The following PCDHGA8 variants were observed in gnomAD, a reference collection of about 807,000 sequenced individuals.
The protein encoded by PCDHGA8 is protocadherin gamma subfamily A, 8.
Under a neutral mutation model 59.2 loss-of-function variants are expected in PCDHGA8, and 45 were observed. That is an observed-to-expected ratio of 0.76 (90% CI 0.60 to 0.98). The LOEUF is 0.98. Ranked by LOEUF, PCDHGA8 falls within the 50% of genes least tolerant of loss-of-function variation. The pLI is 0.00. For synonymous variants in PCDHGA8, 531 were observed against 519.0 expected (o/e 1.02, Z -0.32); for missense variants, 1,257 against 1,196.2 (o/e 1.05, Z -0.75).
At chr5:141,403,704 T>C (rs1207597755) in intron 1 of PCDHGA8, 2 of 1,613,846 alleles carry the variant, frequency 1.2e-6, no homozygotes, top group East Asian at 4.5e-5. Context: ...CGAGTTAAAG[T>C]CCTTGAGAAC....
intron 1 of PCDHGA8, among the ~76,000 whole-genome samples, chr5:141,435,592 C>T (rs573084790): frequency 1.3e-5 from 2 of 152,060 alleles, no homozygotes; most frequent in African/African-American, 2.4e-5. Flanking sequence ...GCAGTAATAT[C>T]GCCTGCTTTT....
intron 1 of PCDHGA8, chr5:141,399,413 C>A (rs1456440098): frequency 1.2e-6 from 2 of 1,613,930 alleles, no homozygotes; most frequent in African/African-American, 1.3e-5. Context: ...CCGCCCCTCT[C>A]CTCCAGCATA....
Position 141,400,031 on chromosome 5 carries a change from G to A in PCDHGA8, c.2424+4794G>A, listed in dbSNP as rs373709904. The A allele has an allele frequency of 2.2e-5, 36 of 1,612,964 alleles. No individual in the cohort carries two copies. In the African/African-American group the frequency reaches 4.5e-4, roughly 20 times the overall value. The stretch of plus-strand genomic sequence containing the variant: ...GCCTTGGGCGACAGGGACGCGGCCC[G>A]CCAGCGCCTGCTGGTTGCTGTGCGT... On this transcript the variant is annotated intron_variant, in intron 1 of 3. Coordinates refer to ENST00000398604, the MANE Select transcript of PCDHGA8 (RefSeq NM_032088.2).
Position 141,399,843 on chromosome 5 carries a change from T to C in PCDHGA8, c.2424+4606T>C, listed in dbSNP as rs1452069886. ...GTCCCGACGGCTCTGCGCTCTTCGATATGGTGCCGCGCGCTGCAGAGCCCG... is the reference window on the plus strand; with the variant it reads ...GTCCCGACGGCTCTGCGCTCTTCGACATGGTGCCGCGCGCTGCAGAGCCCG... On this transcript the variant is annotated intron_variant, in intron 1 of 3. Coordinates refer to ENST00000398604, the MANE Select transcript of PCDHGA8 (RefSeq NM_032088.2). 2.5e-6 allele frequency: 4 copies of C among 1,612,848 alleles called. No homozygotes were observed. The African/African-American group carries it at 5.3e-5, about 22-fold the overall frequency.
chr5:141,413,442 C>T, intron 1 of PCDHGA8: 5 of 1,614,090 alleles, frequency 3.1e-6, no homozygotes, highest in Non-Finnish European at 8.5e-7. Flanking sequence ...GCAGCTTGAT[C>T]ACCGCGGGCA....
intron 1 of PCDHGA8, chr5:141,422,123 C>A: frequency 6.2e-7 from 1 of 1,601,290 alleles, no homozygotes; most frequent in South Asian, 1.1e-5. Context: ...GATTCACAAA[C>A]TGGAGAAGTT....
At position 141,477,019 on chromosome 5, in the gene PCDHGA8, C is replaced by T. The variant is rs148675327; in HGVS notation, c.2425-17788C>T. 1.9e-5 allele frequency: 30 copies of T among 1,614,242 alleles called. No individual in the cohort carries two copies. Among genetic ancestry groups the T allele is most frequent in the Non-Finnish European group, 2.5e-5 (30 of 1,180,048 alleles). On this transcript the variant is annotated intron_variant, in intron 1 of 3. Transcript: ENST00000398604. This position sits in a 1 kb window ranked among gnomAD's most constrained non-coding sequence, Gnocchi z 4.9. ...AACTATTCGCCTTAGACCTTGTAAC[C>T]GGGATGCTGACAATCAAGGGTCGGC...
At position 141,477,795 on chromosome 5, in the gene PCDHGA8, G is replaced by T. The variant is rs778851755; in HGVS notation, c.2425-17012G>T. The T allele has an allele frequency of 1.2e-5, 19 of 1,613,946 alleles. 1 individual carries two copies. In the South Asian group the frequency reaches 1.6e-4, roughly 14 times the overall value. On this transcript the variant is annotated intron_variant, in intron 1 of 3. Transcript: ENST00000398604. The surrounding 1 kb of genome is among the most constrained non-coding windows in gnomAD (Gnocchi z 4.9). ...AGCGTGAACATATTTGTCACTGATC[G>T]CAATGACAATGCCCCCCAGGTCCTA...
intron 1 of PCDHGA8, among the ~76,000 whole-genome samples, chr5:141,438,623 TATATATATATATACACACAC>T (rs1272037524): frequency 7.0e-5 from 3 of 42,840 alleles, no homozygotes; most frequent in African/African-American, 1.6e-4. Flanking sequence ...TATATATATA[TATATATATATATACACACAC>T]ACACACACAT....
In PCDHGA8 at chr5:141,432,872, C is replaced by G; in HGVS notation, c.2424+37635C>G. 4 of 1,614,192 alleles carry G rather than the reference C, an allele frequency of 2.5e-6. No individual in the cohort carries two copies. The highest frequency in any genetic ancestry group is 3.4e-6 in the Non-Finnish European group (4 of 1,180,018). ...GGTGGCCGCGGTCTCCTGCGTCTTCCTGGCCTTCGTCATCTTGCTGCTGGC... is the reference window on the plus strand; with the variant it reads ...GGTGGCCGCGGTCTCCTGCGTCTTCGTGGCCTTCGTCATCTTGCTGCTGGC... On this transcript the variant is annotated intron_variant, in intron 1 of 3. Coordinates refer to ENST00000398604, the MANE Select transcript of PCDHGA8 (RefSeq NM_032088.2). The surrounding 1 kb of genome is among the most constrained non-coding windows in gnomAD (Gnocchi z 6.0).
chr5:141,458,367 G>A (rs1297876142), intron 1 of PCDHGA8, among the ~76,000 whole-genome samples: 2 of 152,130 alleles, frequency 1.3e-5, no homozygotes, highest in African/African-American at 2.4e-5. Context: ...AGAAGGAAGG[G>A]AGAAGAGAGA....
chr5:141,476,556 C>G lies in PCDHGA8; in HGVS notation c.2425-18251C>G. On this transcript the variant is annotated intron_variant, in intron 1 of 3. Transcript: ENST00000398604. This position sits in a 1 kb window ranked among gnomAD's most constrained non-coding sequence, Gnocchi z 7.6. ...GAAATGAAATTGGAGATTAGCGAGG[C>G]CGTGGCTCCGGGGACGCGCTTTCCG... The G allele has an allele frequency of 6.2e-7, 1 of 1,614,234 alleles. No homozygotes were observed. The highest frequency in any genetic ancestry group is 8.5e-7 in the Non-Finnish European group (1 of 1,180,036).
chr5:141,511,276 T>C lies in PCDHGA8; in HGVS notation c.*103T>C. On this transcript the variant is annotated 3_prime_UTR_variant, in exon 4 of 4. Coordinates refer to ENST00000398604, the MANE Select transcript of PCDHGA8 (RefSeq NM_032088.2). ...AGAGTTTCAGGGCTAACCCCCAGAA[T>C]ACTGGTAGGGGCCAAGGCCATGCTC... 6.5e-7 allele frequency: 1 copy of C among 1,538,084 alleles called. No homozygotes were observed. Among genetic ancestry groups the C allele is most frequent in the Non-Finnish European group, 8.8e-7 (1 of 1,140,720 alleles).
chr5:141,478,678 C>T (rs3805695), intron 1 of PCDHGA8: 273,671 of 1,551,084 alleles, frequency 0.18, 26,385 homozygotes, highest in African/African-American at 0.39. Context: ...TTCAACTGGC[C>T]CTTCCTAGAT....
At chr5:141,414,394 A>G in intron 1 of PCDHGA8, 1 of 1,613,930 alleles carries the variant, frequency 6.2e-7, no homozygotes, top group Non-Finnish European at 8.5e-7. Flanking sequence ...CAGTTATTAC[A>G]GATTGGTGAT....
intron 1 of PCDHGA8, among the ~76,000 whole-genome samples, chr5:141,401,352 G>C (rs1381325058): frequency 6.6e-6 from 1 of 152,080 alleles, no homozygotes; most frequent in Non-Finnish European, 1.5e-5. Flanking sequence ...CAAAAAAAAG[G>C]AAGGAGAAGG....
At position 141,392,692 on chromosome 5, in the gene PCDHGA8, C is replaced by T; in HGVS notation, c.-122C>T. On this transcript the variant is annotated 5_prime_UTR_variant, in exon 1 of 4. Transcript: ENST00000398604. The stretch of plus-strand genomic sequence containing the variant: ...ACTGCTGGACTGCAGCGAAACCCGA[C>T]CCCTGTTTGGAGGCACTCCAGGTTT... 11 of 1,148,308 alleles carry T rather than the reference C, an allele frequency of 9.6e-6. No individual in the cohort carries two copies. The highest frequency in any genetic ancestry group is 1.3e-5 in the Non-Finnish European group (11 of 843,316). The allele number at this position is 1,148,308 out of a possible 1,614,324, so 71.1% of individuals were successfully genotyped here.
chr5:141,408,082 G>A, intron 1 of PCDHGA8: 1 of 1,417,366 alleles, frequency 7.1e-7, no homozygotes, highest in Non-Finnish European at 9.3e-7. Context: ...TCCCAGCACA[G>A]CGGATTGCCA....
chr5:141,486,617 C>A lies in PCDHGA8; in HGVS notation c.2425-8190C>A. On this transcript the variant is annotated intron_variant, in intron 1 of 3. Coordinates refer to ENST00000398604, the MANE Select transcript of PCDHGA8 (RefSeq NM_032088.2). The surrounding 1 kb of genome is among the most constrained non-coding windows in gnomAD (Gnocchi z 5.0). The stretch of plus-strand genomic sequence containing the variant: ...GCTTTGCTCCCTTGCAGCCTCTGAC[C>A]CAGACTCTGGCTTGAATGCGCTTAT... The A allele has an allele frequency of 1.2e-6, 2 of 1,613,602 alleles. No homozygotes were observed. The highest frequency in any genetic ancestry group is 2.2e-5 in the East Asian group (1 of 44,874).
Sources: allele counts gnomAD v4.1 joint callset (sites outside exome capture counted in the v4.1 genomes callset), GRCh38; gene constraint gnomAD v4.1.1; non-coding constraint Gnocchi (gnomAD v3.1); transcripts MANE v1.5; gene names NCBI Gene and HGNC (gene_info 2026-07-23, HGNC 2026-07-21).